Variants in CCDC90B observed in about 807,000 individuals in gnomAD.
The protein encoded by CCDC90B is coiled-coil domain-containing protein 90B, mitochondrial.
CCDC90B carries 24 observed loss-of-function variants against 37.0 expected under a neutral mutation model. The observed-to-expected ratio is 0.65, with a 90% CI of 0.47 to 0.91. CCDC90B has a LOEUF of 0.91. CCDC90B is among the 40% of genes least tolerant of loss of function. CCDC90B has a pLI of 0.00. For synonymous variants in CCDC90B, 113 were observed against 101.1 expected, an observed-to-expected ratio of 1.12 and a Z score of -0.71; for missense variants, 319 against 299.0, an observed-to-expected ratio of 1.07 and a Z score of -0.49.
chr11:83,277,415 G>C (rs1007266361), intron 3 of CCDC90B, among the ~76,000 whole-genome samples: 13 of 152,114 alleles, frequency 8.5e-5, no homozygotes, highest in African/African-American at 3.1e-4. Context: ...TGTAGGGATT[G>C]AATGTTTCAA....
In CCDC90B at chr11:83,261,880, G is replaced by A. The variant is rs1863944094; in HGVS notation, c.*31C>T. 3.3e-6 allele frequency: 5 copies of A among 1,538,448 alleles called. No individual in the cohort carries two copies. Among genetic ancestry groups the A allele is most frequent in the Admixed American group, 1.9e-5 (1 of 52,682 alleles). On this transcript the variant is annotated 3_prime_UTR_variant, in exon 9 of 9. Coordinates refer to ENST00000529689, the MANE Select transcript of CCDC90B (RefSeq NM_021825.5). ...CTCTCCCGGTTTGGTGTTCTAAGAA[G>A]CCAACAGCCACAGCAGGATGAGCAT...
chr11:83,273,939 A>G lies in CCDC90B; in HGVS notation c.468+12T>C, dbSNP rs758199474. ...GTTCTGAAATTAACAGCTAGAAAAA[A>G]AATTCACTTACCATTAGTTGTTGCT... is the stretch of plus-strand genomic sequence containing the variant. On this transcript the variant is annotated intron_variant, in intron 5 of 8. Coordinates refer to ENST00000529689, the MANE Select transcript of CCDC90B (RefSeq NM_021825.5). 7 of 1,592,868 alleles carry G rather than the reference A, an allele frequency of 4.4e-6. No individual in the cohort carries two copies.
At chr11:83,270,492 C>A (rs1159216870) in intron 7 of CCDC90B, among the ~76,000 whole-genome samples, 9 of 152,194 alleles carry the variant, frequency 5.9e-5, no homozygotes, top group Non-Finnish European at 1.2e-4. Flanking sequence ...CACAAGCATT[C>A]CTATACACCA....
At chr11:83,281,010 T>A (rs1230955110) in intron 1 of CCDC90B, among the ~76,000 whole-genome samples, 4 of 152,208 alleles carry the variant, frequency 2.6e-5, no homozygotes, top group African/African-American at 9.6e-5. Context: ...AGTTTTAACC[T>A]AGACACAGTA....
chr11:83,284,168 G>C (rs632117), intron 1 of CCDC90B, among the ~76,000 whole-genome samples: 40,199 of 151,794 alleles, frequency 0.26, 5,498 homozygotes, highest in Middle Eastern at 0.41. Context: ...CTATCTTGTG[G>C]ATTTGTTTGT....
intron 7 of CCDC90B, among the ~76,000 whole-genome samples, chr11:83,270,008 A>C (rs1008711155): frequency 7.9e-5 from 12 of 152,230 alleles, no homozygotes; most frequent in African/African-American, 2.9e-4. Context: ...AGTATACACA[A>C]ATCAATAAAC....
At chr11:83,267,838 A>G (rs1853078919) in intron 7 of CCDC90B, among the ~76,000 whole-genome samples, 1 of 152,212 alleles carries the variant, frequency 6.6e-6, no homozygotes, top group Admixed American at 6.5e-5. Context: ...TGAAGGAAAA[A>G]GTGTTAAGGG....
At chr11:83,281,659 AGAAAAAGAAAAATTAGAG>A (rs1360742152) in intron 1 of CCDC90B, among the ~76,000 whole-genome samples, 1 of 152,134 alleles carries the variant, frequency 6.6e-6, no homozygotes, top group Non-Finnish European at 1.5e-5. Flanking sequence ...AAGGTAGGAG[AGAAAAAGAAAAATTAGAG>A]GAAAAAGGGG....
intron 1 of CCDC90B, chr11:83,285,410 T>C: frequency 8.7e-7 from 1 of 1,148,902 alleles, no homozygotes; most frequent in Non-Finnish European, 1.1e-6. Flanking sequence ...TACTGAGAAT[T>C]CCAGTGAGAA....
At chr11:83,266,563 C>T (rs1276038760) in intron 7 of CCDC90B, among the ~76,000 whole-genome samples, 1 of 152,236 alleles carries the variant, frequency 6.6e-6, no homozygotes, top group Admixed American at 6.5e-5. Flanking sequence ...GGGGCATCCG[C>T]CATTGCTGAG....
intron 8 of CCDC90B, among the ~76,000 whole-genome samples, chr11:83,263,574 C>T (rs1334395964): frequency 6.6e-6 from 1 of 152,200 alleles, no homozygotes; most frequent in Non-Finnish European, 1.5e-5. Context: ...ACATTATCTA[C>T]ATAGATTAAA....
chr11:83,280,674 C>T (rs1865333404), intron 1 of CCDC90B, among the ~76,000 whole-genome samples: 3 of 152,314 alleles, frequency 2.0e-5, no homozygotes, highest in East Asian at 1.9e-4. Context: ...TTTAAAGTAG[C>T]TTTCCATACT....
intron 1 of CCDC90B, among the ~76,000 whole-genome samples, chr11:83,280,975 T>G (rs1865350538): frequency 6.6e-6 from 1 of 152,242 alleles, no homozygotes; most frequent in Admixed American, 6.5e-5. Context: ...ATAACCCTTC[T>G]TGTCCTATTT....
intron 8 of CCDC90B, 137 bp from the exon 9 acceptor site, chr11:83,262,103 C>T (rs1863961611): frequency 1.8e-6 from 1 of 571,206 alleles, no homozygotes; most frequent in Non-Finnish European, 3.0e-6. Flanking sequence ...TTTTTATTCC[C>T]TAGACAATTA....
Position 83,273,653 on chromosome 11 carries a change from T to C in CCDC90B, c.588A>G (p.Thr196=). 1 of 1,596,084 alleles carries C rather than the reference T, an allele frequency of 6.3e-7. No homozygotes were observed. The highest frequency in any genetic ancestry group is 1.4e-5 in the African/African-American group (1 of 73,940). ...TTTTTACATATTACTTTACCTTTTTTGTAAATTCTGTAGTTGTTTCCATAA... is the reference window on the plus strand; with the variant it reads ...TTTTTACATATTACTTTACCTTTTTCGTAAATTCTGTAGTTGTTTCCATAA... ...KQLMETTTEF[T]KKDTQTKSII... is the part of the protein sequence containing the mutation. Residue 196 remains threonine, a synonymous_variant, in exon 7 of 9, where the codon ACA becomes ACG. Coordinates refer to ENST00000529689, the MANE Select transcript of CCDC90B (RefSeq NM_021825.5).
At chr11:83,272,793 C>T (rs745918962) in intron 7 of CCDC90B, among the ~76,000 whole-genome samples, 1 of 152,138 alleles carries the variant, frequency 6.6e-6, no homozygotes, top group Non-Finnish European at 1.5e-5. Flanking sequence ...GGACAAATGG[C>T]TTTGAACTTT....
intron 3 of CCDC90B, 88 bp downstream of exon 3, chr11:83,278,638 G>A: frequency 1.2e-6 from 1 of 823,362 alleles, no homozygotes; most frequent in Non-Finnish European, 2.0e-6. Context: ...ATATAAGCAT[G>A]TTTGGAAGGT....
chr11:83,278,664 G>A (rs1865187483), intron 3 of CCDC90B, 62 bp downstream of exon 3: 6 of 1,104,366 alleles, frequency 5.4e-6, no homozygotes, highest in Non-Finnish European at 5.5e-6. Flanking sequence ...GGTAGACAGA[G>A]ACATAGTTAT....
chr11:83,274,867 A>G, intron 3 of CCDC90B, 127 bp from the exon 4 acceptor site: 1 of 550,266 alleles, frequency 1.8e-6, no homozygotes, highest in Admixed American at 3.7e-5. Context: ...CTGGTTAAGT[A>G]AATATGAAAC....
Sources: gnomAD v4.1 joint callset for allele counts (sites outside exome capture counted in the v4.1 genomes callset) on GRCh38, gnomAD v4.1.1 for gene constraint, MANE v1.5 for transcripts, NCBI Gene and HGNC (gene_info 2026-07-23, HGNC 2026-07-21) for gene names.